Variants in CTIF observed in about 807,000 individuals in gnomAD.
The protein encoded by CTIF is CBP80/20-dependent translation initiation factor.
A neutral mutation model predicts 66.0 loss-of-function variants in CTIF; 21 were observed. That is an observed-to-expected ratio of 0.32 (90% CI 0.23 to 0.46). The LOEUF (loss-of-function observed/expected upper bound fraction) is 0.46. Among genes scored for constraint, CTIF ranks in the 20% least tolerant of loss-of-function variants. The pLI is 1.00. For missense variants in CTIF, 739 were observed against 812.7 expected (o/e 0.91, Z 1.10); for synonymous variants, 345 against 326.4 (o/e 1.06, Z -0.62).
chr18:48,763,667 C>T (rs554036931), intron 9 of CTIF, among the ~76,000 whole-genome samples: 2 of 152,204 alleles, frequency 1.3e-5, no homozygotes, highest in Non-Finnish European at 2.9e-5. Flanking sequence ...AGACCTGATT[C>T]GTTTGTCATC....
chr18:48,758,521 T>C (rs773679567), intron 8 of CTIF, 116 bp downstream of exon 8: 59 of 1,319,076 alleles, frequency 4.5e-5, no homozygotes, highest in Non-Finnish European at 5.8e-5. Flanking sequence ...TAGGGAGCCA[T>C]GTACAGGGAA....
At chr18:48,652,445 A>G (rs1243452905) in intron 3 of CTIF, among the ~76,000 whole-genome samples, 1 of 152,240 alleles carries the variant, frequency 6.6e-6, no homozygotes, top group Non-Finnish European at 1.5e-5. Flanking sequence ...AAGAAGCTGA[A>G]TCTCTGAATA....
At chr18:48,638,389 C>T (rs1263357798) in intron 3 of CTIF, among the ~76,000 whole-genome samples, 1 of 152,208 alleles carries the variant, frequency 6.6e-6, no homozygotes, top group Non-Finnish European at 1.5e-5. Flanking sequence ...CTCCTCTTTA[C>T]CATCTTTCTG....
In CTIF at chr18:48,637,047, G is replaced by A. The variant is rs150748817; in HGVS notation, c.252+362G>A. On this transcript the variant is annotated intron_variant, in intron 3 of 11. Coordinates refer to ENST00000256413, the MANE Select transcript of CTIF (RefSeq NM_014772.3). ...TGACTGCACTGAGGGTTCAGGTACC[G>A]ACATTGCAGCCCCACAAACAATGGG... Among the ~76,000 whole-genome samples the A allele has an allele frequency of 9.8e-5, 15 of 152,304 alleles. 1 individual carries two copies. In the East Asian group the frequency reaches 2.7e-3, roughly 27 times the overall value.
Position 48,821,768 on chromosome 18 carries a change from A to G in CTIF, c.1527+4392A>G, listed in dbSNP as rs749442372. ...CCTTGCTCTGCTATTTACAACTCAT[A>G]TTTGCTTAGCAAGCTCCTTTTTATT... On this transcript the variant is annotated intron_variant, in intron 10 of 11. Coordinates refer to ENST00000256413, the MANE Select transcript of CTIF (RefSeq NM_014772.3). Among the ~76,000 whole-genome samples, 5 of 152,320 alleles carry G rather than the reference A, an allele frequency of 3.3e-5. No individual in the cohort carries two copies. The Middle Eastern group carries it at 0.01, about 311-fold the overall frequency.
At chr18:48,583,056 G>A (rs1311743945) in intron 1 of CTIF, among the ~76,000 whole-genome samples, 2 of 152,234 alleles carry the variant, frequency 1.3e-5, no homozygotes. Flanking sequence ...TGTGGTGGAG[G>A]GGAGGGAGGA....
At chr18:48,739,235 G>C (rs1315745566) in intron 7 of CTIF, among the ~76,000 whole-genome samples, 1 of 152,242 alleles carries the variant, frequency 6.6e-6, no homozygotes, top group Non-Finnish European at 1.5e-5. Flanking sequence ...GGACAGAGCA[G>C]AGGGAGTTGT....
intron 6 of CTIF, among the ~76,000 whole-genome samples, chr18:48,674,543 G>C (rs760045666): frequency 2.6e-4 from 39 of 152,238 alleles, no homozygotes; most frequent in Middle Eastern, 6.3e-3. Context: ...CTGACACCTA[G>C]GCGTCTGGCC....
chr18:48,547,417 T>C (rs2088777323), intron 1 of CTIF, among the ~76,000 whole-genome samples: 1 of 152,090 alleles, frequency 6.6e-6, no homozygotes, highest in Non-Finnish European at 1.5e-5. Context: ...ATGCTCAGAG[T>C]CTTTAGTTCC....
intron 1 of CTIF, among the ~76,000 whole-genome samples, chr18:48,556,551 T>A (rs779574446): frequency 6.6e-5 from 10 of 152,184 alleles, no homozygotes; most frequent in Admixed American, 3.9e-4. Flanking sequence ...CCCACTCAGC[T>A]GCTCACTGGC....
chr18:48,641,702 A>C (rs1288480849), intron 3 of CTIF, among the ~76,000 whole-genome samples: 5 of 152,056 alleles, frequency 3.3e-5, no homozygotes. Context: ...AACTACACAG[A>C]CTCCTTAGAG....
intron 7 of CTIF, chr18:48,756,125 A>C (rs981860612): frequency 2.0e-5 from 3 of 152,350 alleles, no homozygotes; most frequent in Admixed American, 6.5e-5. Flanking sequence ...AGAAAACTCG[A>C]GACAGTAGCT....
chr18:48,661,134 G>A (rs1178158609), intron 3 of CTIF, among the ~76,000 whole-genome samples: 2 of 152,254 alleles, frequency 1.3e-5, no homozygotes, highest in African/African-American at 4.8e-5. Context: ...CAAAGAGAAA[G>A]AGGCAGTCCA....
rs1448713419 is a variant in CTIF at position 48,602,818 on chromosome 18, A to AATGGGTGGATGAATGGATGG, written c.-28-16715_-28-16696dup. Among the ~76,000 whole-genome samples the AATGGGTGGATGAATGGATGG allele has an allele frequency of 9.1e-4, 136 of 150,196 alleles. 1 individual carries two copies. Among genetic ancestry groups the AATGGGTGGATGAATGGATGG allele is most frequent in the African/African-American group, 3.0e-3 (120 of 40,666 alleles). On this transcript the variant is annotated intron_variant, in intron 1 of 11. Transcript: ENST00000256413. ...GGATGGGTGGGTGAACGAATGGATG[A>AATGGGTGGATGAATGGATGG]ATGGGTGGATGAATGGATGGATGGA...
chr18:48,568,261 A>T (rs1156787013), intron 1 of CTIF: 2 of 152,196 alleles, frequency 1.3e-5, no homozygotes, highest in East Asian at 3.9e-4. Flanking sequence ...TGAGTACATG[A>T]CATTATCGAA....
rs553514856 is a variant in CTIF at position 48,648,296 on chromosome 18, CAG to C, written c.252+11613_252+11614del. On this transcript the variant is annotated intron_variant, in intron 3 of 11. Transcript: ENST00000256413. ...AAAAGACAGGATGGACAGACAGACA[CAG>C]ATGTCCCAGCATGAAAGGAATGGCC... is the stretch of plus-strand genomic sequence containing the variant. Among the ~76,000 whole-genome samples the C allele has an allele frequency of 1.7e-4, 26 of 152,278 alleles. No homozygotes were observed. The South Asian group carries it at 4.8e-3, about 28-fold the overall frequency.
chr18:48,705,491 T>G (rs1448740307), intron 6 of CTIF, among the ~76,000 whole-genome samples: 1 of 152,248 alleles, frequency 6.6e-6, no homozygotes, highest in African/African-American at 2.4e-5. Context: ...AGATTCTATT[T>G]TCAAATAAAG....
At chr18:48,741,113 G>T (rs542201973) in intron 7 of CTIF, among the ~76,000 whole-genome samples, 1 of 152,220 alleles carries the variant, frequency 6.6e-6, no homozygotes, top group Non-Finnish European at 1.5e-5. Flanking sequence ...AAAGCACCAT[G>T]CACGTCATTC....
chr18:48,821,527 T>C (rs1269868891), intron 10 of CTIF, among the ~76,000 whole-genome samples: 2 of 152,258 alleles, frequency 1.3e-5, no homozygotes, highest in Non-Finnish European at 2.9e-5. Context: ...TCTTGGTGCA[T>C]AACTCAGCAC....
Sources: allele counts gnomAD v4.1 joint callset (sites outside exome capture counted in the v4.1 genomes callset), GRCh38; gene constraint gnomAD v4.1.1; transcripts MANE v1.5; gene names NCBI Gene and HGNC (gene_info 2026-07-23, HGNC 2026-07-21).